The following KCNQ3 variants were observed in gnomAD, a reference collection of about 807,000 sequenced individuals.
The protein encoded by KCNQ3 is potassium voltage-gated channel subfamily KQT member 3.
KCNQ3 carries 30 observed loss-of-function variants against 92.5 expected under a neutral mutation model. The observed-to-expected ratio is 0.32, with a 90% confidence interval of 0.24 to 0.44. KCNQ3 has a LOEUF of 0.44. Ranked by LOEUF, KCNQ3 falls within the 20% of genes least tolerant of loss-of-function variation. The pLI is 1.00. For synonymous variants in KCNQ3, 450 were observed against 468.8 expected (o/e 0.96, Z 0.52); for missense variants, 913 against 1,140.3 (o/e 0.80, Z 2.87).
chr8:132,263,102 G>A (rs1815847708), intron 1 of KCNQ3, among the ~76,000 whole-genome samples: 3 of 151,902 alleles, frequency 2.0e-5, no homozygotes, highest in Admixed American at 2.0e-4. Flanking sequence ...GTCTCCCACT[G>A]AGCGCAATTA....
At chr8:132,184,419 G>T in intron 2 of KCNQ3, 52 bp from the exon 3 acceptor site, 2 of 1,606,944 alleles carry the variant, frequency 1.2e-6, no homozygotes, top group South Asian at 2.2e-5. Context: ...TCCACTTGTC[G>T]GGAGCTGGTG....
chr8:132,388,029 AGAAGAG>A (rs139010576), intron 1 of KCNQ3, among the ~76,000 whole-genome samples: 23,132 of 149,702 alleles, frequency 0.15, 2,102 homozygotes, highest in African/African-American at 0.25. Context: ...AGGAAGAAGA[AGAAGAG>A]GAAGAGGAAG....
chr8:132,395,029 G>C lies in KCNQ3; in HGVS notation c.386+85118C>G, dbSNP rs568014369. Among the ~76,000 whole-genome samples the C allele has an allele frequency of 2.6e-5, 4 of 152,306 alleles. No individual in the cohort carries two copies. In the South Asian group the frequency reaches 6.2e-4, roughly 24 times the overall value. ...AGTCAGCGCAAGCCTCATGCATTTA[G>C]AGCACCCAGATGGGAGTGTAGTGCT... On this transcript the variant is annotated intron_variant, in intron 1 of 14. Coordinates refer to ENST00000388996, the MANE Select transcript of KCNQ3 (RefSeq NM_004519.4).
At chr8:132,223,535 A>G (rs940797495) in intron 1 of KCNQ3, among the ~76,000 whole-genome samples, 6 of 152,242 alleles carry the variant, frequency 3.9e-5, no homozygotes, top group Non-Finnish European at 8.8e-5. Context: ...AAGGAGTTAC[A>G]GTTCATGGAT....
At chr8:132,290,488 G>T (rs545466520) in intron 1 of KCNQ3, among the ~76,000 whole-genome samples, 1 of 152,258 alleles carries the variant, frequency 6.6e-6, no homozygotes, top group South Asian at 2.1e-4. Context: ...TGGTTGCAGC[G>T]TGGAGTTTCA....
At chr8:132,162,637 C>T (rs1261698161) in intron 9 of KCNQ3, among the ~76,000 whole-genome samples, 2 of 152,192 alleles carry the variant, frequency 1.3e-5, no homozygotes, top group East Asian at 1.9e-4. Context: ...GAAAGAACCA[C>T]GTGGTTCATT....
intron 1 of KCNQ3, among the ~76,000 whole-genome samples, chr8:132,328,096 C>T (rs1818113030): frequency 6.6e-6 from 1 of 152,164 alleles, no homozygotes; most frequent in Admixed American, 6.5e-5. Context: ...CCATGTTCAC[C>T]TGAACCAGTG....
chr8:132,311,798 G>A (rs1817600977), intron 1 of KCNQ3, among the ~76,000 whole-genome samples: 1 of 152,068 alleles, frequency 6.6e-6, no homozygotes, highest in Non-Finnish European at 1.5e-5. Flanking sequence ...GAGAGGTGCT[G>A]AGCAGATGTA....
intron 1 of KCNQ3, among the ~76,000 whole-genome samples, chr8:132,329,012 C>T (rs966203701): frequency 9.2e-5 from 14 of 152,178 alleles, no homozygotes; most frequent in African/African-American, 2.2e-4. Context: ...AGCAGGTACG[C>T]GCTGAGTGCC....
chr8:132,240,127 A>G (rs540356314), intron 1 of KCNQ3, among the ~76,000 whole-genome samples: 1 of 152,094 alleles, frequency 6.6e-6, no homozygotes, highest in South Asian at 2.1e-4. Context: ...TCATGCCACT[A>G]AATTTTGACA....
chr8:132,402,067 G>A (rs528941010), intron 1 of KCNQ3, among the ~76,000 whole-genome samples: 1 of 152,334 alleles, frequency 6.6e-6, no homozygotes, highest in South Asian at 2.1e-4. Flanking sequence ...TGTGCCTGTG[G>A]TGTCATAATT....
intron 1 of KCNQ3, among the ~76,000 whole-genome samples, chr8:132,232,993 C>T (rs76407614): frequency 0.048 from 7,326 of 152,234 alleles, 236 homozygotes; most frequent in African/African-American, 0.09. Context: ...TAGATATTGT[C>T]TCTGGCATTG....
At chr8:132,251,641 C>T (rs575685038) in intron 1 of KCNQ3, among the ~76,000 whole-genome samples, 1 of 152,336 alleles carries the variant, frequency 6.6e-6, no homozygotes, top group African/African-American at 2.4e-5. Context: ...CTCACTCCTG[C>T]TCCATTTAGG....
chr8:132,334,409 G>A (rs1319739652), intron 1 of KCNQ3, among the ~76,000 whole-genome samples: 1 of 151,950 alleles, frequency 6.6e-6, no homozygotes, highest in African/African-American at 2.4e-5. Context: ...GGAAGACTCT[G>A]TCTCAAAAAA....
intron 1 of KCNQ3, among the ~76,000 whole-genome samples, chr8:132,287,359 C>G (rs1023867204): frequency 1.3e-5 from 2 of 152,162 alleles, no homozygotes; most frequent in African/African-American, 4.8e-5. Flanking sequence ...TGAGGCCCAA[C>G]TAAAGACATT....
chr8:132,213,596 G>A (rs1005818616), intron 1 of KCNQ3, among the ~76,000 whole-genome samples: 1 of 152,206 alleles, frequency 6.6e-6, no homozygotes, highest in African/African-American at 2.4e-5. Context: ...CTCATGCTGA[G>A]CTGATGGCAG....
chr8:132,190,815 GA>G (rs1471069929), intron 1 of KCNQ3, among the ~76,000 whole-genome samples: 1 of 152,226 alleles, frequency 6.6e-6, no homozygotes, highest in Non-Finnish European at 1.5e-5. Context: ...ATACCATGTG[GA>G]ATGGGAATCT....
At chr8:132,220,727 T>C (rs1814198002) in intron 1 of KCNQ3, among the ~76,000 whole-genome samples, 1 of 152,012 alleles carries the variant, frequency 6.6e-6, no homozygotes, top group African/African-American at 2.4e-5. Context: ...CCAGCCTGAG[T>C]GACAGCGTAA....
chr8:132,229,997 G>C (rs551495001), intron 1 of KCNQ3, among the ~76,000 whole-genome samples: 1 of 152,228 alleles, frequency 6.6e-6, no homozygotes, highest in South Asian at 2.1e-4. Context: ...GGCAGGATGG[G>C]GTCTGATCAC....
Sources: allele counts gnomAD v4.1 joint callset (sites outside exome capture counted in the v4.1 genomes callset), GRCh38; gene constraint gnomAD v4.1.1; transcripts MANE v1.5; gene names NCBI Gene and HGNC (gene_info 2026-07-23, HGNC 2026-07-21).